NIN: variants seen among roughly 807,000 people sequenced by gnomAD.
The protein encoded by NIN is ninein, also known as glycogen synthase kinase 3 beta-interacting protein.
A neutral mutation model predicts 257.6 loss-of-function variants in NIN; 137 were observed. The observed-to-expected ratio is 0.53, with a 90% CI of 0.46 to 0.61. NIN has a LOEUF of 0.61. Among genes scored for constraint, NIN ranks in the 20% least tolerant of loss-of-function variants. The pLI, the probability that NIN is intolerant of heterozygous loss-of-function variation, is 0.00. For missense variants in NIN, 2,439 were observed against 2,501.2 expected (o/e 0.98, Z 0.53); for synonymous variants, 918 against 919.8 (o/e 1.00, Z 0.04).
intron 10 of NIN, 95 bp downstream of exon 10, chr14:50,771,237 A>C: frequency 4.9e-6 from 7 of 1,436,628 alleles, no homozygotes; most frequent in South Asian, 1.3e-5. Flanking sequence ...CAACATTTGC[A>C]TACAGAATAG....
At chr14:50,800,129 A>C (rs1314064674) in intron 4 of NIN, among the ~76,000 whole-genome samples, 3 of 152,138 alleles carry the variant, frequency 2.0e-5, no homozygotes, top group Non-Finnish European at 4.4e-5. Context: ...TATTTCTTGC[A>C]CATATACATA....
At chr14:50,759,792 A>G in intron 17 of NIN, 65 bp downstream of exon 17, 1 of 1,520,764 alleles carries the variant, frequency 6.6e-7, no homozygotes, top group Non-Finnish European at 8.8e-7. Context: ...CCCAGCCACA[A>G]CTGGCACTTC....
intron 30 of NIN, 88 bp from the exon 31 acceptor site, chr14:50,723,760 T>C: frequency 9.1e-7 from 1 of 1,098,926 alleles, no homozygotes; most frequent in Non-Finnish European, 1.3e-6. Context: ...GACAGTTGTT[T>C]TATAAAGGCA....
intron 4 of NIN, among the ~76,000 whole-genome samples, chr14:50,796,614 G>A (rs1488094936): frequency 6.6e-6 from 1 of 152,172 alleles, no homozygotes; most frequent in African/African-American, 2.4e-5. Context: ...CCATGCACAT[G>A]TATGATGCTT....
chr14:50,734,684 TTTTC>T (rs1012323933), intron 28 of NIN, among the ~76,000 whole-genome samples: 7 of 152,038 alleles, frequency 4.6e-5, no homozygotes, highest in African/African-American at 1.7e-4. Context: ...TTTTTTTTCT[TTTTC>T]TTTCTTTTTG....
At chr14:50,778,698 G>T in intron 6 of NIN, 67 bp downstream of exon 6, 4 of 1,364,450 alleles carry the variant, frequency 2.9e-6, no homozygotes, top group South Asian at 1.2e-5. Flanking sequence ...AGATCAGAAA[G>T]ACCGGGTGTG....
At chr14:50,831,413 C>G (rs76032434), upstream of NIN, among the ~76,000 whole-genome samples, 4,095 of 152,310 alleles carry the variant, frequency 0.027, 82 homozygotes, top group Non-Finnish European at 0.043. Context: ...ACCCTCGCCC[C>G]TTGCCTGTCC....
At chr14:50,747,750 A>AAAG (rs1555377242) in intron 22 of NIN, among the ~76,000 whole-genome samples, 3 of 145,230 alleles carry the variant, frequency 2.1e-5, no homozygotes, top group Non-Finnish European at 3.0e-5. Flanking sequence ...AAAAAAAAAA[A>AAAG]GGGGGGGATT....
At chr14:50,792,545 A>G in intron 5 of NIN, 167 bp downstream of exon 5, 1 of 681,622 alleles carries the variant, frequency 1.5e-6, no homozygotes, top group Non-Finnish European at 2.5e-6. Flanking sequence ...CAAAAGATAG[A>G]AACATTATAT....
At chr14:50,731,751 G>A (rs889104462) in intron 28 of NIN, among the ~76,000 whole-genome samples, 6 of 152,114 alleles carry the variant, frequency 3.9e-5, no homozygotes, top group African/African-American at 9.7e-5. Flanking sequence ...GCTCGAATCC[G>A]GGAGGCAGAG....
At chr14:50,730,782 T>C (rs924122539) in intron 28 of NIN, 2 of 459,220 alleles carry the variant, frequency 4.4e-6, no homozygotes, top group Non-Finnish European at 6.7e-6. Flanking sequence ...TAAACAGACA[T>C]ATTATACCAT....
intron 4 of NIN, among the ~76,000 whole-genome samples, chr14:50,799,381 G>A (rs1254058886): frequency 3.3e-5 from 5 of 152,276 alleles, no homozygotes; most frequent in African/African-American, 4.8e-5. Flanking sequence ...CAAAGCCATC[G>A]GGCCAGGGAG....
In NIN at chr14:50,742,881, A is replaced by G. The variant is rs142391399; in HGVS notation, c.5301+535T>C. On this transcript the variant is annotated intron_variant, in intron 24 of 30. Transcript: ENST00000530997. Reference sequence around the variant, plus strand: ...TTTTATGCACTATTCTCAAGCCTTCATAATTAATAAACTTTGATGGAAATA... The same window carrying G: ...TTTTATGCACTATTCTCAAGCCTTCGTAATTAATAAACTTTGATGGAAATA... 9.6e-3 allele frequency among the ~76,000 whole-genome samples: 1,455 copies of G among 152,354 alleles called. 20 individuals carry two copies. The highest frequency in any genetic ancestry group is 0.034 in the African/African-American group (1,397 of 41,574).
At chr14:50,811,230 T>C (rs1459236228) in intron 3 of NIN, among the ~76,000 whole-genome samples, 1 of 151,592 alleles carries the variant, frequency 6.6e-6, no homozygotes, top group Admixed American at 6.6e-5. Context: ...TGCCTCAGCC[T>C]CATGAGTAGC....
Position 50,738,116 on chromosome 14 carries a change from C to T in NIN, c.5775+24G>A, listed in dbSNP as rs73295464. The stretch of plus-strand genomic sequence containing the variant: ...GCATTATAGTGAGAACACAGATGTA[C>T]GCCATATATTCTCAAAAACTCACCT... On this transcript the variant is annotated intron_variant, in intron 27 of 30. Coordinates refer to ENST00000530997, the MANE Select transcript of NIN (RefSeq NM_020921.4). 4,168 of 1,611,082 alleles carry T rather than the reference C, an allele frequency of 2.6e-3. 81 individuals carry two copies. The African/African-American group carries it at 0.049, about 19-fold the overall frequency.
At position 50,783,803 on chromosome 14, in the gene NIN, G is replaced by A. The variant is rs146045856; in HGVS notation, c.436-4999C>T. 4.7e-3 allele frequency among the ~76,000 whole-genome samples: 717 copies of A among 152,226 alleles called. 1 individual carries two copies. Among genetic ancestry groups the A allele is most frequent in the African/African-American group, 0.016 (685 of 41,538 alleles). On this transcript the variant is annotated intron_variant, in intron 5 of 30. Transcript: ENST00000530997. ...GATTAAATCATTCAGTTACTGGAACGCCACCAGTAAAGGGAGGCATCATTC... is the reference window on the plus strand; with the variant it reads ...GATTAAATCATTCAGTTACTGGAACACCACCAGTAAAGGGAGGCATCATTC...
intron 5 of NIN, among the ~76,000 whole-genome samples, 189 bp from the exon 6 acceptor site, chr14:50,778,993 C>G (rs1198429670): frequency 6.6e-6 from 1 of 152,314 alleles, no homozygotes. Flanking sequence ...GGACGAGACT[C>G]CTAAGAAACA....
At chr14:50,794,935 A>AG (rs1239260973) in intron 4 of NIN, among the ~76,000 whole-genome samples, 2 of 152,188 alleles carry the variant, frequency 1.3e-5, no homozygotes, top group African/African-American at 4.8e-5. Context: ...TCTTTTTCTA[A>AG]GCAATAAAAG....
chr14:50,789,702 G>A (rs1478911783), intron 5 of NIN, among the ~76,000 whole-genome samples: 1 of 152,126 alleles, frequency 6.6e-6, no homozygotes, highest in Non-Finnish European at 1.5e-5. Context: ...CTGCAGCTGG[G>A]GGCCACTCTA....
Sources: gnomAD v4.1 joint callset for allele counts (sites outside exome capture counted in the v4.1 genomes callset) on GRCh38, gnomAD v4.1.1 for gene constraint, MANE v1.5 for transcripts, NCBI Gene and HGNC (gene_info 2026-07-23, HGNC 2026-07-21) for gene names.